ZNF644: variants seen among roughly 807,000 people sequenced by gnomAD.
ZNF644 encodes zinc finger motif enhancer binding protein 2.
Under a neutral mutation model 108.0 loss-of-function variants are expected in ZNF644, and 20 were observed. That is an observed-to-expected ratio of 0.19 (90% CI 0.13 to 0.27). The LOEUF (loss-of-function observed/expected upper bound fraction) is 0.27, where lower values mean the gene tolerates loss of function less well. Among genes scored for constraint, ZNF644 ranks in the 10% least tolerant of loss-of-function variants. The pLI, the probability that ZNF644 is intolerant of heterozygous loss-of-function variation, is 1.00. For missense variants in ZNF644, 1,338 were observed against 1,548.9 expected (o/e 0.86, Z 2.29); for synonymous variants, 542 against 539.1 (o/e 1.01, Z -0.08).
Position 91,004,910 on chromosome 1 carries a change from C to G in ZNF644, c.-18+17080G>C, listed in dbSNP as rs1659264926. ...TAACACAAAAGGCAGCACTACAGGA[C>G]TAGAGGAATAACCACCCCAAAAAAC... is the stretch of plus-strand genomic sequence containing the variant. On this transcript the variant is annotated intron_variant, in intron 1 of 5. Coordinates refer to ENST00000337393, the MANE Select transcript of ZNF644 (RefSeq NM_201269.3). Among the ~76,000 whole-genome samples, 4 of 152,088 alleles carry G rather than the reference C, an allele frequency of 2.6e-5. No individual in the cohort carries two copies. In the South Asian group the frequency reaches 6.2e-4, roughly 24 times the overall value.
At chr1:91,000,528 C>T (rs942821800) in intron 1 of ZNF644, among the ~76,000 whole-genome samples, 1 of 152,066 alleles carries the variant, frequency 6.6e-6, no homozygotes, top group Non-Finnish European at 1.5e-5. Flanking sequence ...CTCTGCGACA[C>T]ATTTAAAGCA....
intron 2 of ZNF644, among the ~76,000 whole-genome samples, chr1:90,979,555 C>T (rs1021239897): frequency 7.2e-5 from 11 of 152,232 alleles, no homozygotes; most frequent in Admixed American, 5.2e-4. Flanking sequence ...TACCTTTAAA[C>T]AAATAGCAAG....
intron 1 of ZNF644, among the ~76,000 whole-genome samples, chr1:90,999,341 C>T (rs1658511484): frequency 6.6e-6 from 1 of 152,212 alleles, no homozygotes; most frequent in African/African-American, 2.4e-5. Context: ...AACAGTGGAT[C>T]TCTCGGCAGA....
chr1:90,962,486 A>G (rs986225569), intron 2 of ZNF644, among the ~76,000 whole-genome samples: 2 of 152,120 alleles, frequency 1.3e-5, no homozygotes, highest in Non-Finnish European at 2.9e-5. Context: ...CACACATTAT[A>G]CAAAAATCAG....
At position 90,938,136 on chromosome 1, in the gene ZNF644, C is replaced by G; in HGVS notation, c.3083-46G>C. Reference sequence around the variant, plus strand: ...GTAATATCAGACTTTCTTATATAAACTGACCACCCTAAAATGAGTTAATTC... The same window carrying G: ...GTAATATCAGACTTTCTTATATAAAGTGACCACCCTAAAATGAGTTAATTC... On this transcript the variant is annotated intron_variant, in intron 3 of 5. Coordinates refer to ENST00000337393, the MANE Select transcript of ZNF644 (RefSeq NM_201269.3). The surrounding 1 kb of genome is among the most constrained non-coding windows in gnomAD (Gnocchi z 4.2). 6.2e-7 allele frequency: 1 copy of G among 1,607,710 alleles called. No individual in the cohort carries two copies. Among genetic ancestry groups the G allele is most frequent in the Non-Finnish European group, 8.5e-7 (1 of 1,176,768 alleles).
chr1:90,980,530 G>A (rs1201492911), intron 2 of ZNF644, among the ~76,000 whole-genome samples: 2 of 152,108 alleles, frequency 1.3e-5, no homozygotes, highest in Non-Finnish European at 2.9e-5. Context: ...AAAAAAGTTA[G>A]CAAGTAGGAA....
intron 2 of ZNF644, among the ~76,000 whole-genome samples, chr1:90,979,288 A>G (rs1468910487): frequency 6.6e-6 from 1 of 152,130 alleles, no homozygotes; most frequent in Non-Finnish European, 1.5e-5. Flanking sequence ...CCTGACGAAC[A>G]TAGTGAAACC....
intron 2 of ZNF644, among the ~76,000 whole-genome samples, chr1:90,947,294 G>A (rs367717946): frequency 8.5e-5 from 13 of 152,192 alleles, no homozygotes; most frequent in African/African-American, 2.2e-4. Flanking sequence ...AGCTTACATC[G>A]TAATAGACAT....
Position 90,940,772 on chromosome 1 carries a change from T to C in ZNF644, c.582A>G (p.Leu194=), listed in dbSNP as rs770335439. ...CACAACCAACTGAAGCAGAGGTAGGTAGTTTTTTATTGGAATGGGTGGGAT... is the reference window on the plus strand; with the variant it reads ...CACAACCAACTGAAGCAGAGGTAGGCAGTTTTTTATTGGAATGGGTGGGAT... The part of the protein sequence containing the change: ...AKNPTHSNKK[L]PTSASVGCDI... Residue 194 remains leucine (L), a synonymous_variant, in exon 3 of 6, where the codon CTA becomes CTG. Transcript: ENST00000337393. 3 of 1,613,916 alleles carry C rather than the reference T, an allele frequency of 1.9e-6. No individual in the cohort carries two copies. The South Asian group carries it at 3.3e-5, about 18-fold the overall frequency.
chr1:90,995,154 A>C (rs554529035), intron 1 of ZNF644, among the ~76,000 whole-genome samples: 1 of 152,194 alleles, frequency 6.6e-6, no homozygotes, highest in African/African-American at 2.4e-5. Context: ...CAAAGCAGTT[A>C]TTCTAAGTAT....
chr1:90,983,438 C>T (rs1429845376), intron 1 of ZNF644, among the ~76,000 whole-genome samples: 3 of 150,372 alleles, frequency 2.0e-5, no homozygotes, highest in Non-Finnish European at 4.4e-5. Flanking sequence ...CAAAAGACTT[C>T]CACACCCTGA....
At chr1:90,950,877 T>C (rs1490870653) in intron 2 of ZNF644, among the ~76,000 whole-genome samples, 1 of 152,232 alleles carries the variant, frequency 6.6e-6, no homozygotes, top group Non-Finnish European at 1.5e-5. Flanking sequence ...AAAATTGATC[T>C]GGATGTTATA....
intron 5 of ZNF644, among the ~76,000 whole-genome samples, chr1:90,917,226 T>C (rs1374980523): frequency 1.3e-5 from 2 of 151,746 alleles, no homozygotes; most frequent in African/African-American, 4.9e-5. Flanking sequence ...TATTTTAAAA[T>C]TAACATCTAC....
At chr1:90,951,195 C>G (rs897862194) in intron 2 of ZNF644, among the ~76,000 whole-genome samples, 3 of 152,160 alleles carry the variant, frequency 2.0e-5, no homozygotes, top group African/African-American at 7.2e-5. Context: ...AAGGACAGAT[C>G]CTTACACACT....
At chr1:90,966,729 G>A (rs1439300743) in intron 2 of ZNF644, among the ~76,000 whole-genome samples, 3 of 131,174 alleles carry the variant, frequency 2.3e-5, no homozygotes, top group African/African-American at 5.8e-5. Context: ...CAGTATGGGT[G>A]ACAGTGAGAC....
At position 90,940,361 on chromosome 1, in the gene ZNF644, C is replaced by T. The variant is rs140746782; in HGVS notation, c.993G>A (p.Glu331=). The change falls in exon 3 of 6, where the codon GAG becomes GAA. Residue 331 remains glutamate, a synonymous_variant. Coordinates refer to ENST00000337393, the MANE Select transcript of ZNF644 (RefSeq NM_201269.3). Reference sequence around the variant, plus strand: ...ATTTCTGTGAGTCTACTGCTTGTAGCTCTTCATTTTGTTCTAGAAAGTCTA... The same window carrying T: ...ATTTCTGTGAGTCTACTGCTTGTAGTTCTTCATTTTGTTCTAGAAAGTCTA... ...QEVDFLEQNE[E]LQAVDSQKYA... 26 of 1,613,542 alleles carry T rather than the reference C, an allele frequency of 1.6e-5. No individual in the cohort carries two copies. The highest frequency in any genetic ancestry group is 6.7e-5 in the East Asian group (3 of 44,864).
At chr1:91,021,760 T>G in intron 1 of ZNF644, 1 of 320,330 alleles carries the variant, frequency 3.1e-6, no homozygotes. Flanking sequence ...GCTCCTTGTG[T>G]AGCACCAACT....
intron 2 of ZNF644, among the ~76,000 whole-genome samples, chr1:90,947,222 T>A (rs1652608554): frequency 6.6e-6 from 1 of 152,188 alleles, no homozygotes; most frequent in Admixed American, 6.5e-5. Context: ...TAAGTCATAG[T>A]TAGCACAGAA....
At chr1:91,014,525 T>C (rs1189256299) in intron 1 of ZNF644, among the ~76,000 whole-genome samples, 1 of 152,202 alleles carries the variant, frequency 6.6e-6, no homozygotes, top group Non-Finnish European at 1.5e-5. Context: ...CTAAGTCAAA[T>C]GTCCCACCAG....
Sources: allele counts gnomAD v4.1 joint callset (sites outside exome capture counted in the v4.1 genomes callset), GRCh38; gene constraint gnomAD v4.1.1; non-coding constraint Gnocchi (gnomAD v3.1); transcripts MANE v1.5; gene names NCBI Gene and HGNC (gene_info 2026-07-23, HGNC 2026-07-21).